LRRC8C: variants seen among roughly 807,000 people sequenced by gnomAD.
LRRC8C encodes volume-regulated anion channel subunit LRRC8C.
A neutral mutation model predicts 55.3 loss-of-function variants in LRRC8C; 20 were observed. The observed-to-expected ratio is 0.36, with a 90% CI of 0.25 to 0.53. The LOEUF is 0.53. Among genes scored for constraint, LRRC8C ranks in the 20% least tolerant of loss-of-function variants. The pLI is 0.92. For missense variants in LRRC8C, 659 were observed against 951.4 expected, an observed-to-expected ratio of 0.69 and a Z score of 4.04; for synonymous variants, 376 against 360.7, an observed-to-expected ratio of 1.04 and a Z score of -0.48.
At chr1:89,708,861 T>C (rs1314415956) in intron 2 of LRRC8C, among the ~76,000 whole-genome samples, 1 of 152,232 alleles carries the variant, frequency 6.6e-6, no homozygotes, top group Non-Finnish European at 1.5e-5. Context: ...GGAATTCTAC[T>C]CAGAGATGCC....
rs1362752215 is a variant in LRRC8C, at chr1:89,715,140, T to C, written c.*158T>C. The C allele has an allele frequency of 4.7e-6, 2 of 425,640 alleles. No individual in the cohort carries two copies. The highest frequency in any genetic ancestry group is 1.0e-4 in the South Asian group (1 of 9,732). The allele number at this position is 425,640 out of a possible 1,614,324, so 26.4% of individuals were successfully genotyped here. A position where few individuals can be genotyped will look rare whatever the true frequency, so the allele number is the denominator to read the frequency against. On this transcript the variant is annotated 3_prime_UTR_variant, in exon 3 of 3. Coordinates refer to ENST00000370454, the MANE Select transcript of LRRC8C (RefSeq NM_032270.5). ...TGTATTTTTAATAAAAATTTAATTG[T>C]ATTTTTTCAATATTAATATTTTGAA...
At chr1:89,696,361 G>A (rs1480674072) in intron 2 of LRRC8C, among the ~76,000 whole-genome samples, 1 of 152,100 alleles carries the variant, frequency 6.6e-6, no homozygotes, top group Non-Finnish European at 1.5e-5. Context: ...AAAAGTGGGG[G>A]TGTGGTAGGG....
chr1:89,651,029 G>T (rs1008502703), intron 1 of LRRC8C, among the ~76,000 whole-genome samples: 5 of 152,076 alleles, frequency 3.3e-5, no homozygotes, highest in Non-Finnish European at 7.4e-5. Context: ...ATAATCCAGT[G>T]ATCAAGAAGC....
rs1374496763 is a variant in LRRC8C, at chr1:89,713,141, A to T, written c.571A>T (p.Asn191Tyr). Residue 191 changes from asparagine (N) to tyrosine (Y), a missense_variant, in exon 3 of 3, where the codon AAC becomes TAC. Physicochemically the swap from Asn to Tyr is moderately radical, Grantham distance 143. This residue lies in a region of LRRC8C where 200 missense variants were observed against 360.5 expected (regional missense o/e 0.55). Coordinates refer to ENST00000370454, the MANE Select transcript of LRRC8C (RefSeq NM_032270.5). The surrounding 1 kb of genome is among the most constrained non-coding windows in gnomAD (Gnocchi z 5.2). ...EDSEEKDNRK[N>Y]NMNRSNTIQS... Reference sequence around the variant, plus strand: ...CTCAGAAGAAAAGGACAACAGGAAGAACAACATGAACAGGTCCAACACCAT... The same window carrying T: ...CTCAGAAGAAAAGGACAACAGGAAGTACAACATGAACAGGTCCAACACCAT... The T allele has an allele frequency of 6.2e-7, 1 of 1,614,070 alleles. No individual in the cohort carries two copies. Among genetic ancestry groups the T allele is most frequent in the Non-Finnish European group, 8.5e-7 (1 of 1,180,036 alleles).
At chr1:89,685,833 A>T (rs1329133686) in intron 1 of LRRC8C, among the ~76,000 whole-genome samples, 1 of 151,966 alleles carries the variant, frequency 6.6e-6, no homozygotes, top group Non-Finnish European at 1.5e-5. Flanking sequence ...CAGAGAAAAA[A>T]ATCAAGATAC....
At chr1:89,712,265 A>G (rs576496821) in intron 2 of LRRC8C, among the ~76,000 whole-genome samples, 1 of 152,182 alleles carries the variant, frequency 6.6e-6, no homozygotes, top group South Asian at 2.1e-4. Context: ...GGTGCCTACC[A>G]CCATGCCCAG....
chr1:89,667,822 C>G (rs928068247), intron 1 of LRRC8C, among the ~76,000 whole-genome samples: 1 of 152,064 alleles, frequency 6.6e-6, no homozygotes, highest in Non-Finnish European at 1.5e-5. Context: ...TTTAGGTACC[C>G]GTGAGAATGT....
At chr1:89,647,772 A>G (rs1419457223) in intron 1 of LRRC8C, among the ~76,000 whole-genome samples, 2 of 152,244 alleles carry the variant, frequency 1.3e-5, no homozygotes, top group African/African-American at 2.4e-5. Context: ...ACACAGGCCA[A>G]ACAATGGTGT....
In LRRC8C at chr1:89,713,525, C is replaced by T; in HGVS notation, c.955C>T (p.Leu319=). 1.2e-6 allele frequency: 2 copies of T among 1,614,178 alleles called. No individual in the cohort carries two copies. The highest frequency in any genetic ancestry group is 1.7e-6 in the Non-Finnish European group (2 of 1,180,034). Residue 319 remains leucine (L), a synonymous_variant, in exon 3 of 3, where the codon CTG becomes TTG. Coordinates refer to ENST00000370454, the MANE Select transcript of LRRC8C (RefSeq NM_032270.5). This position sits in a 1 kb window ranked among gnomAD's most constrained non-coding sequence, Gnocchi z 5.2. ...TACCATGGCACACTTGTTCTCAAAA[C>T]TGTCCTTTTGCTATCTGTGCTTTGT... ...NHTMAHLFSK[L]SFCYLCFVSI... is the part of the protein sequence containing the mutation.
intron 2 of LRRC8C, among the ~76,000 whole-genome samples, chr1:89,698,984 A>G (rs1309514294): frequency 6.6e-6 from 1 of 152,184 alleles, no homozygotes; most frequent in Non-Finnish European, 1.5e-5. Flanking sequence ...GGAAAAAAAA[A>G]GAAATTAAAA....
At chr1:89,653,742 C>G (rs1442937614) in intron 1 of LRRC8C, among the ~76,000 whole-genome samples, 1 of 152,098 alleles carries the variant, frequency 6.6e-6, no homozygotes, top group Non-Finnish European at 1.5e-5. Context: ...AAAATTGACT[C>G]CAAGGTTTTG....
chr1:89,697,682 A>G (rs370374834), intron 2 of LRRC8C, among the ~76,000 whole-genome samples: 19 of 152,220 alleles, frequency 1.2e-4, no homozygotes, highest in African/African-American at 4.3e-4. Context: ...TTAAATTGCC[A>G]TGGATCAAAT....
At chr1:89,662,826 T>G (rs142913784) in intron 1 of LRRC8C, among the ~76,000 whole-genome samples, 53 of 152,334 alleles carry the variant, frequency 3.5e-4, no homozygotes, top group African/African-American at 1.3e-3. Context: ...TATGTTTCTT[T>G]TTTTTAATTA....
chr1:89,637,059 C>T (rs75302311), intron 1 of LRRC8C, among the ~76,000 whole-genome samples: 4,865 of 152,138 alleles, frequency 0.032, 114 homozygotes, highest in Non-Finnish European at 0.047. Context: ...CTTGTTCAAC[C>T]GAGGCTTCTC....
chr1:89,698,585 T>C (rs1482148512), intron 2 of LRRC8C, among the ~76,000 whole-genome samples: 1 of 152,200 alleles, frequency 6.6e-6, no homozygotes, highest in Non-Finnish European at 1.5e-5. Flanking sequence ...CCTTTAATTA[T>C]GTATTAATAA....
intron 1 of LRRC8C, among the ~76,000 whole-genome samples, chr1:89,671,289 A>C (rs1657406735): frequency 6.6e-6 from 1 of 151,976 alleles, no homozygotes; most frequent in African/African-American, 2.4e-5. Context: ...TTAGGGAGGG[A>C]AGAAGGTTAG....
chr1:89,656,985 A>AATGCCTTGGC, intron 1 of LRRC8C, among the ~76,000 whole-genome samples: 2 of 152,236 alleles, frequency 1.3e-5, no homozygotes, highest in African/African-American at 2.4e-5. Context: ...ACCTGCCCAA[A>AATGCCTTGGC]GTCACTAGCT....
chr1:89,616,496 A>G, the LRRC8C span, among the ~76,000 whole-genome samples: 298 of 152,326 alleles, frequency 2.0e-3, 1 homozygote, highest in African/African-American at 6.9e-3. Context: ...CCTGAAAGAG[A>G]TAACATTGAA....
intron 1 of LRRC8C, among the ~76,000 whole-genome samples, chr1:89,654,817 A>G (rs1045214695): frequency 5.3e-5 from 8 of 149,996 alleles, no homozygotes; most frequent in South Asian, 2.1e-4. Flanking sequence ...ATTATCCCCA[A>G]TGTTCATGAC....
Sources: allele counts gnomAD v4.1 joint callset (sites outside exome capture counted in the v4.1 genomes callset), GRCh38; gene constraint gnomAD v4.1.1; regional missense constraint gnomAD v4.1.1; non-coding constraint Gnocchi (gnomAD v3.1); transcripts MANE v1.5; gene names NCBI Gene and HGNC (gene_info 2026-07-23, HGNC 2026-07-21).